GMPR: variants seen among roughly 807,000 people sequenced by gnomAD.
GMPR encodes guanosine monophosphate reductase.
In GMPR, 31 loss-of-function variants were observed where a neutral mutation model predicts 38.4. The ratio of observed to expected loss-of-function variants is 0.81; its 90% confidence interval spans 0.61 to 1.09. The LOEUF is 1.09. Ranked by LOEUF, GMPR falls within the 50% of genes least tolerant of loss-of-function variation. GMPR has a pLI of 0.00. For missense variants in GMPR, 468 were observed against 453.7 expected (o/e 1.03, Z -0.29); for synonymous variants, 162 against 173.3 (o/e 0.93, Z 0.51).
At chr6:16,272,267 A>G (rs938298784) in intron 4 of GMPR, among the ~76,000 whole-genome samples, 2 of 152,360 alleles carry the variant, frequency 1.3e-5, no homozygotes, top group African/African-American at 2.4e-5. Context: ...TGGATAGGTC[A>G]TAAGTTGTTG....
At chr6:16,250,420 C>T in intron 3 of GMPR, 53 bp downstream of exon 3, 1 of 989,212 alleles carries the variant, frequency 1.0e-6, no homozygotes, top group Non-Finnish European at 1.6e-6. Context: ...GGAACAAAAT[C>T]TTCAGAGCTG....
chr6:16,255,585 C>A (rs1758957172), intron 4 of GMPR, among the ~76,000 whole-genome samples: 1 of 152,078 alleles, frequency 6.6e-6, no homozygotes, highest in Non-Finnish European at 1.5e-5. Context: ...TGCACCTTAC[C>A]TAGTTAGAAT....
At chr6:16,253,812 C>T (rs1294506586) in intron 3 of GMPR, among the ~76,000 whole-genome samples, 1 of 152,210 alleles carries the variant, frequency 6.6e-6, no homozygotes, top group African/African-American at 2.4e-5. Flanking sequence ...TGTGGGGAAG[C>T]CCGAGTTGAT....
intron 7 of GMPR, chr6:16,289,944 A>C (rs887451506): frequency 7.7e-6 from 1 of 129,158 alleles, no homozygotes; most frequent in African/African-American, 3.0e-5. Context: ...ATCTCGGCTC[A>C]CTGCAACCTC....
In GMPR at chr6:16,241,546, A is replaced by G. The variant is rs896869678; in HGVS notation, c.87+2766A>G. Among the ~76,000 whole-genome samples, 5 of 152,202 alleles carry G rather than the reference A, an allele frequency of 3.3e-5. No individual in the cohort carries two copies. The East Asian group carries it at 7.7e-4, about 23-fold the overall frequency. ...AATGTCCAGCCCCTGGCATGGAAGA[A>G]TAAAGCGCCACAGGGTCATGTGGGG... On this transcript the variant is annotated intron_variant, in intron 1 of 8. Coordinates refer to ENST00000259727, the MANE Select transcript of GMPR (RefSeq NM_006877.4).
At chr6:16,268,393 C>T (rs1030670484) in intron 4 of GMPR, among the ~76,000 whole-genome samples, 1 of 152,194 alleles carries the variant, frequency 6.6e-6, no homozygotes, top group African/African-American at 2.4e-5. Flanking sequence ...TGGCTAACTG[C>T]AGTCTCCGCC....
chr6:16,285,754 C>A, intron 6 of GMPR, 39 bp from the exon 7 acceptor site: 1 of 1,586,512 alleles, frequency 6.3e-7, no homozygotes, highest in East Asian at 2.2e-5. Flanking sequence ...GCTGAGCTCC[C>A]GCTGATGATG....
At chr6:16,276,957 G>A (rs1282489089) in intron 5 of GMPR, among the ~76,000 whole-genome samples, 1 of 152,194 alleles carries the variant, frequency 6.6e-6, no homozygotes, top group African/African-American at 2.4e-5. Flanking sequence ...TTCCAAGAAA[G>A]GCAATTGGTC....
chr6:16,253,577 C>T (rs1758915160), intron 3 of GMPR, among the ~76,000 whole-genome samples: 1 of 152,100 alleles, frequency 6.6e-6, no homozygotes. Flanking sequence ...GGGATCCACC[C>T]CCATGACCCA....
chr6:16,289,093 A>C (rs1008371440), intron 7 of GMPR, among the ~76,000 whole-genome samples: 3 of 152,228 alleles, frequency 2.0e-5, no homozygotes, highest in South Asian at 2.1e-4. Flanking sequence ...CGCTCTTTGC[A>C]ATAGATTCTG....
chr6:16,254,641 A>G lies in GMPR; in HGVS notation c.371A>G (p.Lys124Arg). ...ATCCTGGAAGCTGTGCCACAGGTTA[A>G]GTTTATTTGCCTGGATGTGGCCAAT... ...TSILEAVPQV[K>R]FICLDVANGY... The change falls in exon 4 of 9, where the codon AAG becomes AGG. Residue 124 changes from lysine (K) to arginine (R), a missense_variant. Transcript: ENST00000259727. 6.2e-7 allele frequency: 1 copy of G among 1,613,642 alleles called. No homozygotes were observed. The highest frequency in any genetic ancestry group is 8.5e-7 in the Non-Finnish European group (1 of 1,179,492).
intron 6 of GMPR, among the ~76,000 whole-genome samples, chr6:16,282,635 T>C (rs548790364): frequency 6.6e-6 from 1 of 152,338 alleles, no homozygotes; most frequent in South Asian, 2.1e-4. Context: ...AAATGACTTT[T>C]AAGTTCAAAA....
rs553628734 is a variant in GMPR at position 16,266,529 on chromosome 6, G to A, written c.466-7886G>A. ...TTTAAGAGCTGTAACACGGCTGGGC[G>A]CGGTGGCTCACGCCTGTAATCCTGG... is the stretch of plus-strand genomic sequence containing the variant. On this transcript the variant is annotated intron_variant, in intron 4 of 8. Transcript: ENST00000259727. 6.6e-4 allele frequency among the ~76,000 whole-genome samples: 99 copies of A among 150,644 alleles called. 1 individual carries two copies. Among genetic ancestry groups the A allele is most frequent in the Admixed American group, 1.1e-3 (16 of 15,190 alleles).
chr6:16,294,218 C>G (rs1759891714), intron 8 of GMPR, among the ~76,000 whole-genome samples: 1 of 152,190 alleles, frequency 6.6e-6, no homozygotes, highest in Admixed American at 6.5e-5. Flanking sequence ...GGTGCTAAGA[C>G]AGGTCTTGGT....
At position 16,285,775 on chromosome 6, in the gene GMPR, G is replaced by A; in HGVS notation, c.655-18G>A. On this transcript the variant is annotated intron_variant, in intron 6 of 8. Coordinates refer to ENST00000259727, the MANE Select transcript of GMPR (RefSeq NM_006877.4). ...CTCCCGCTGATGATGTCCTGTCCTTGCTTTTTCCTCTGTGAAGGATGGAGG... is the reference window on the plus strand; with the variant it reads ...CTCCCGCTGATGATGTCCTGTCCTTACTTTTTCCTCTGTGAAGGATGGAGG... 1.2e-6 allele frequency: 2 copies of A among 1,611,594 alleles called. No individual in the cohort carries two copies. The highest frequency in any genetic ancestry group is 1.7e-6 in the Non-Finnish European group (2 of 1,178,122).
intron 4 of GMPR, among the ~76,000 whole-genome samples, chr6:16,266,846 C>T (rs889600421): frequency 6.6e-6 from 1 of 151,752 alleles, no homozygotes; most frequent in African/African-American, 2.4e-5. Context: ...CGTGGCTTCA[C>T]TCCTGAAGTC....
chr6:16,278,202 G>T (rs1270810902), intron 5 of GMPR, among the ~76,000 whole-genome samples: 1 of 152,122 alleles, frequency 6.6e-6, no homozygotes, highest in East Asian at 1.9e-4. Flanking sequence ...AGCAGGTGAG[G>T]GTATGGAGGG....
At chr6:16,246,730 G>C in intron 1 of GMPR, 112 bp from the exon 2 acceptor site, 4 of 1,001,444 alleles carry the variant, frequency 4.0e-6, no homozygotes, top group Non-Finnish European at 4.5e-6. Flanking sequence ...AGAGAATCCA[G>C]GGACCTTTGT....
At chr6:16,289,329 CT>C (rs1223291519) in intron 7 of GMPR, among the ~76,000 whole-genome samples, 1 of 152,214 alleles carries the variant, frequency 6.6e-6, no homozygotes, top group African/African-American at 2.4e-5. Context: ...GTAGCAGTTC[CT>C]TAGTTAATAG....
Sources: allele counts gnomAD v4.1 joint callset (sites outside exome capture counted in the v4.1 genomes callset), GRCh38; gene constraint gnomAD v4.1.1; transcripts MANE v1.5; gene names NCBI Gene and HGNC (gene_info 2026-07-23, HGNC 2026-07-21).